DPY19L2: variants seen among roughly 807,000 people sequenced by gnomAD.
DPY19L2 encodes the protein dpy-19 like 2.
Under a neutral mutation model 97.9 loss-of-function variants are expected in DPY19L2, and 34 were observed. That is an observed-to-expected ratio of 0.35 (90% confidence interval 0.26 to 0.46). The LOEUF is 0.46. DPY19L2 is among the 20% of genes least tolerant of loss of function. DPY19L2 has a pLI of 1.00. For synonymous variants in DPY19L2, 230 were observed against 307.9 expected, an observed-to-expected ratio of 0.75 and a Z score of 2.65; for missense variants, 623 against 911.4, an observed-to-expected ratio of 0.68 and a Z score of 4.07.
chr12:63,642,306 C>A (rs1450031446), intron 6 of DPY19L2, among the ~76,000 whole-genome samples: 4 of 152,106 alleles, frequency 2.6e-5, no homozygotes, highest in African/African-American at 9.6e-5. Context: ...ATTTTTTATC[C>A]TACAATTCTT....
intron 8 of DPY19L2, among the ~76,000 whole-genome samples, chr12:63,622,578 C>G (rs1159164969): frequency 6.6e-6 from 1 of 152,056 alleles, no homozygotes; most frequent in Non-Finnish European, 1.5e-5. Context: ...GTGCAGTGTT[C>G]TGTGGTTAAA....
intron 6 of DPY19L2, among the ~76,000 whole-genome samples, chr12:63,642,940 A>C (rs1215320237): frequency 6.6e-6 from 1 of 152,042 alleles, no homozygotes; most frequent in Non-Finnish European, 1.5e-5. Context: ...ATATCTCAGG[A>C]ATGTTTTAAT....
At chr12:63,630,338 C>A (rs1890373628) in intron 6 of DPY19L2, among the ~76,000 whole-genome samples, 1 of 151,996 alleles carries the variant, frequency 6.6e-6, no homozygotes, top group South Asian at 2.1e-4. Flanking sequence ...CATGCAGAGA[C>A]ACACATAGGC....
intron 6 of DPY19L2, among the ~76,000 whole-genome samples, chr12:63,641,095 A>G (rs561932520): frequency 3.3e-5 from 5 of 152,100 alleles, no homozygotes; most frequent in Admixed American, 2.6e-4. Flanking sequence ...TAGTAGAGAC[A>G]GGGCTTCACC....
At chr12:63,573,439 C>G (rs1265425797) in intron 19 of DPY19L2, among the ~76,000 whole-genome samples, 2 of 151,630 alleles carry the variant, frequency 1.3e-5, no homozygotes, top group Non-Finnish European at 2.9e-5. Flanking sequence ...AGCATACTTT[C>G]GAGATCTAGA....
chr12:63,608,690 A>C lies in DPY19L2; in HGVS notation c.1219-15T>G. The C allele has an allele frequency of 1.5e-6, 2 of 1,293,032 alleles. No homozygotes were observed. Among genetic ancestry groups the C allele is most frequent in the Non-Finnish European group, 2.2e-6 (2 of 921,240 alleles). 80.1% of individuals were successfully genotyped at this position (1,293,032 alleles called of 1,614,324 possible). ...AGAATTATTGCCTAAAATGCACATA[A>C]GGGAAAATGAAACAATTCAATACAA... is the stretch of plus-strand genomic sequence containing the variant. On this transcript the variant is annotated splice_polypyrimidine_tract_variant and intron_variant, in intron 11 of 21. Coordinates refer to ENST00000324472, the MANE Select transcript of DPY19L2 (RefSeq NM_173812.5).
At position 63,668,260 on chromosome 12, in the gene DPY19L2, C is replaced by T; in HGVS notation, c.134G>A (p.Gly45Glu). ...EEMEKSALGG[G>E]KLPRGSWRSS... ...CCTCCAGGAGCCCCTTGGCAGTTTC[C>T]CGCCGCCTAGGGCCGACTTTTCCAT... The change falls in exon 1 of 22, where the codon GGG (glycine) becomes GAG (glutamate). Residue 45 changes from glycine (G) to glutamate (E), a missense_variant. Gly to Glu is a moderately conservative substitution (Grantham distance 98). Around this residue, in one of 6 missense-constraint regions of DPY19L2, gnomAD observed 144 missense variants for 119.4 expected, o/e 1.21. Transcript: ENST00000324472. The T allele has an allele frequency of 6.2e-7, 1 of 1,613,894 alleles. No homozygotes were observed. Among genetic ancestry groups the T allele is most frequent in the Non-Finnish European group, 8.5e-7 (1 of 1,179,876 alleles).
chr12:63,565,700 T>C (rs1329449681), intron 21 of DPY19L2, among the ~76,000 whole-genome samples: 1 of 152,144 alleles, frequency 6.6e-6, no homozygotes, highest in Admixed American at 6.5e-5. Flanking sequence ...TATGGTTAGA[T>C]TTAAGTCTGT....
chr12:63,635,807 G>A (rs1214287895), intron 6 of DPY19L2, among the ~76,000 whole-genome samples: 5 of 152,300 alleles, frequency 3.3e-5, no homozygotes, highest in Admixed American at 3.3e-4. Context: ...GCTGATCGGT[G>A]TACCTGAAAG....
At position 63,585,536 on chromosome 12, in the gene DPY19L2, T is replaced by C. The variant is rs1881650146; in HGVS notation, c.1581-1700A>G. On this transcript the variant is annotated intron_variant, in intron 16 of 21. Coordinates refer to ENST00000324472, the MANE Select transcript of DPY19L2 (RefSeq NM_173812.5). ...ATAGCTCCTTCCCTGTGTATGCAGT[T>C]AACGGAGTGGGGTTTCTCCACTTGT... 2.0e-5 allele frequency among the ~76,000 whole-genome samples: 3 copies of C among 152,138 alleles called. No homozygotes were observed. In the South Asian group the frequency reaches 6.2e-4, roughly 32 times the overall value.
chr12:63,594,594 TGCGTGCAC>T (rs1883854658), intron 15 of DPY19L2, among the ~76,000 whole-genome samples: 1 of 148,462 alleles, frequency 6.7e-6, no homozygotes, highest in Non-Finnish European at 1.5e-5. Flanking sequence ...TGTGTGTGTG[TGCGTGCAC>T]GTGTGTGTGT....
intron 16 of DPY19L2, among the ~76,000 whole-genome samples, chr12:63,587,733 C>G (rs1882055167): frequency 6.6e-6 from 1 of 151,884 alleles, no homozygotes; most frequent in South Asian, 2.1e-4. Context: ...CCACCACACC[C>G]AGCTAATTTG....
chr12:63,632,736 A>C (rs189113344), intron 6 of DPY19L2, among the ~76,000 whole-genome samples: 1 of 152,140 alleles, frequency 6.6e-6, no homozygotes, highest in African/African-American at 2.4e-5. Context: ...TATGGAACCA[A>C]AAAAGAGCCC....
intron 16 of DPY19L2, among the ~76,000 whole-genome samples, chr12:63,586,212 G>T (rs540332211): frequency 1.3e-5 from 2 of 152,226 alleles, no homozygotes; most frequent in East Asian, 3.9e-4. Context: ...TCAACAAAAT[G>T]TTGAATGAAA....
intron 11 of DPY19L2, among the ~76,000 whole-genome samples, chr12:63,611,322 A>T (rs1886976737): frequency 6.6e-6 from 1 of 151,814 alleles, no homozygotes; most frequent in South Asian, 2.1e-4. Flanking sequence ...TCACAGAAAA[A>T]AGCTCAAGAA....
chr12:63,562,233 C>G (rs1267467079), intron 21 of DPY19L2, among the ~76,000 whole-genome samples: 1 of 152,132 alleles, frequency 6.6e-6, no homozygotes, highest in Admixed American at 6.6e-5. Flanking sequence ...ATATCCATCT[C>G]TCCCAAAAGT....
chr12:63,654,275 A>C (rs1894664895), intron 4 of DPY19L2, among the ~76,000 whole-genome samples: 1 of 152,166 alleles, frequency 6.6e-6, no homozygotes, highest in Admixed American at 6.5e-5. Flanking sequence ...AACAGATTGT[A>C]ATAAATTGTG....
Position 63,610,841 on chromosome 12 carries a change from CAAAAAAAAAAAAAAAAAAA to C in DPY19L2, c.1219-2185_1219-2167del, listed in dbSNP as rs56044043. On this transcript the variant is annotated intron_variant, in intron 11 of 21. Coordinates refer to ENST00000324472, the MANE Select transcript of DPY19L2 (RefSeq NM_173812.5). ...AGGCCAGTACCTCTGATGAATATAG[CAAAAAAAAAAAAAAAAAAA>C]AAAAAAAAAAAAAAACCACACACAC... Among the ~76,000 whole-genome samples the C allele has an allele frequency of 4.7e-3, 51 of 10,778 alleles. 1 individual carries two copies. The East Asian group carries it at 0.11, about 24-fold the overall frequency. The allele number at this position is 10,778 out of a possible 152,430, so 7.1% of individuals were successfully genotyped here. A position where few individuals can be genotyped will look rare whatever the true frequency, so the allele number is the denominator to read the frequency against.
chr12:63,668,304 C>G lies in DPY19L2; in HGVS notation c.90G>C (p.Glu30Asp). 1 of 1,613,992 alleles carries G rather than the reference C, an allele frequency of 6.2e-7. No individual in the cohort carries two copies. The change falls in exon 1 of 22, where the codon GAG becomes GAC. Residue 30 changes from glutamate (E) to aspartate (D), a missense_variant. Coordinates refer to ENST00000324472, the MANE Select transcript of DPY19L2 (RefSeq NM_173812.5). ...TTTCCATCTCCTCCTCTACCTCCGG[C>G]TCCCGGGCGAGGGAGGCCCCGCGCC... ...KGRRGASLAREPEVEEEMEKS... is the reference protein window; with the variant it reads ...KGRRGASLARDPEVEEEMEKS...
Sources: allele counts gnomAD v4.1 joint callset (sites outside exome capture counted in the v4.1 genomes callset), GRCh38; gene constraint gnomAD v4.1.1; regional missense constraint gnomAD v4.1.1; transcripts MANE v1.5; gene names NCBI Gene and HGNC (gene_info 2026-07-23, HGNC 2026-07-21).